The following TLL2 variants were observed in gnomAD, a reference collection of about 807,000 sequenced individuals.
TLL2 encodes the protein tolloid like 2, also known as tolloid-like protein 2.
A neutral mutation model predicts 123.0 loss-of-function variants in TLL2; 106 were observed. That is an observed-to-expected ratio of 0.86 (90% CI 0.74 to 1.01). The LOEUF (loss-of-function observed/expected upper bound fraction) is 1.01. TLL2 is among the 50% of genes least tolerant of loss of function. The pLI, the probability that TLL2 is intolerant of heterozygous loss-of-function variation, is 0.00. For synonymous variants in TLL2, 494 were observed against 516.8 expected, an observed-to-expected ratio of 0.96 and a Z score of 0.60; for missense variants, 1,332 against 1,336.7, an observed-to-expected ratio of 1.00 and a Z score of 0.06.
intron 2 of TLL2, among the ~76,000 whole-genome samples, chr10:96,455,141 C>G (rs915602568): frequency 6.6e-6 from 1 of 152,100 alleles, no homozygotes; most frequent in Non-Finnish European, 1.5e-5. Flanking sequence ...ACTTGGGAGG[C>G]TGGCGTGAAC....
chr10:96,374,073 A>C (rs1426481503), intron 18 of TLL2: 4 of 457,406 alleles, frequency 8.7e-6, no homozygotes. Context: ...ATGAGAGAGC[A>C]GGGGTTCAGA....
chr10:96,506,703 C>T (rs967573805), intron 1 of TLL2, among the ~76,000 whole-genome samples: 1 of 148,374 alleles, frequency 6.7e-6, no homozygotes, highest in Admixed American at 6.7e-5. Context: ...TCATGCCTGT[C>T]CCCACTCCTC....
intron 2 of TLL2, among the ~76,000 whole-genome samples, chr10:96,472,908 A>G (rs760596862): frequency 4.2e-4 from 64 of 152,200 alleles, no homozygotes; most frequent in Non-Finnish European, 7.1e-4. Flanking sequence ...TCTCTTGGGT[A>G]TGCACTGGTG....
At chr10:96,407,957 A>G (rs1301054216) in intron 9 of TLL2, among the ~76,000 whole-genome samples, 2 of 152,258 alleles carry the variant, frequency 1.3e-5, no homozygotes, top group Non-Finnish European at 1.5e-5. Flanking sequence ...CTACTTGCAC[A>G]TTAAAATCAA....
intron 13 of TLL2, among the ~76,000 whole-genome samples, chr10:96,392,309 T>C (rs1011768755): frequency 6.6e-6 from 1 of 152,078 alleles, no homozygotes; most frequent in Non-Finnish European, 1.5e-5. Flanking sequence ...AAGTTTTCCA[T>C]AAAAAAATCA....
At chr10:96,431,826 T>C (rs1368834862) in intron 4 of TLL2, among the ~76,000 whole-genome samples, 3 of 152,106 alleles carry the variant, frequency 2.0e-5, no homozygotes, top group African/African-American at 4.8e-5. Context: ...TCCTGTGATG[T>C]GTCCCTTGAC....
chr10:96,405,274 C>T lies in TLL2; in HGVS notation c.1225G>A (p.Val409Met), dbSNP rs753376490. Residue 409 changes from valine (V) to methionine (M), a missense_variant, in exon 10 of 21, where the codon GTG becomes ATG. Coordinates refer to ENST00000357947, the MANE Select transcript of TLL2 (RefSeq NM_012465.4). ...FKSRLCWYDY[V>M]EVRDGYWRKA... Reference sequence around the variant, plus strand: ...CTCCAGTAACCATCCCGGACCTCCACGTAATCATACCAGCACAGTCGGCTT... The same window carrying T: ...CTCCAGTAACCATCCCGGACCTCCATGTAATCATACCAGCACAGTCGGCTT... The T allele has an allele frequency of 1.0e-4, 169 of 1,614,044 alleles. No homozygotes were observed. The highest frequency in any genetic ancestry group is 1.3e-4 in the East Asian group (6 of 44,896).
Position 96,367,770 on chromosome 10 carries a change from T to G in TLL2, c.*318A>C, listed in dbSNP as rs572497463. 1.6e-5 allele frequency: 4 copies of G among 245,492 alleles called. 1 individual carries two copies. Among genetic ancestry groups the G allele is most frequent in the Non-Finnish European group, 2.4e-5 (3 of 123,274 alleles). 15.2% of individuals were successfully genotyped at this position (245,492 alleles called of 1,614,324 possible). A position where few individuals can be genotyped will look rare whatever the true frequency, so the allele number is the denominator to read the frequency against. On this transcript the variant is annotated 3_prime_UTR_variant, in exon 21 of 21. Coordinates refer to ENST00000357947, the MANE Select transcript of TLL2 (RefSeq NM_012465.4). ...ACCCCAAGGCTGACCTTTTGCCACA[T>G]AGGAGCAAGGGACAAGGAGAATGGT...
At chr10:96,481,629 T>C (rs1847312979) in intron 1 of TLL2, among the ~76,000 whole-genome samples, 1 of 152,200 alleles carries the variant, frequency 6.6e-6, no homozygotes, top group Admixed American at 6.5e-5. Context: ...AGTCAAAGTG[T>C]TGCCTGCCTT....
chr10:96,509,572 C>G (rs1326000454), intron 1 of TLL2, among the ~76,000 whole-genome samples: 2 of 152,234 alleles, frequency 1.3e-5, no homozygotes, highest in African/African-American at 2.4e-5. Flanking sequence ...CTCCCTTAAC[C>G]CTGCTTCCTG....
At chr10:96,442,276 G>T (rs1231769009) in intron 3 of TLL2, among the ~76,000 whole-genome samples, 1 of 152,164 alleles carries the variant, frequency 6.6e-6, no homozygotes, top group Non-Finnish European at 1.5e-5. Context: ...GAAACTGGGC[G>T]CTTCCCTCAG....
At chr10:96,513,111 G>A (rs1173141444) in intron 1 of TLL2, among the ~76,000 whole-genome samples, 3 of 152,250 alleles carry the variant, frequency 2.0e-5, no homozygotes, top group African/African-American at 7.2e-5. Context: ...ATCGGAGCCA[G>A]GAACTCCATC....
intron 3 of TLL2, among the ~76,000 whole-genome samples, chr10:96,436,355 G>A (rs558510810): frequency 3.3e-5 from 5 of 152,298 alleles, no homozygotes; most frequent in Admixed American, 3.3e-4. Context: ...TTTTATAAAT[G>A]TTCCATGTTT....
At chr10:96,420,845 A>T in intron 7 of TLL2, 111 bp downstream of exon 7, 1 of 862,916 alleles carries the variant, frequency 1.2e-6, no homozygotes, top group Non-Finnish European at 1.9e-6. Context: ...CAGACAGGCC[A>T]GCCGTGCTAG....
In TLL2 at chr10:96,405,226, A is replaced by G. The variant is rs773177972; in HGVS notation, c.1267+6T>C. On this transcript the variant is annotated splice_donor_region_variant and intron_variant, in intron 10 of 20. Transcript: ENST00000357947. ...CCTCTCTTAACGGTGTCTAAAGTCA[A>G]CTTACCCAAAAGGGGGGCTTTTCTC... 13 of 1,613,704 alleles carry G rather than the reference A, an allele frequency of 8.1e-6. No individual in the cohort carries two copies. The East Asian group carries it at 1.1e-4, about 14-fold the overall frequency.
chr10:96,423,700 A>G (rs1846648973), intron 5 of TLL2, among the ~76,000 whole-genome samples: 1 of 152,198 alleles, frequency 6.6e-6, no homozygotes, highest in Non-Finnish European at 1.5e-5. Context: ...GGATATGTGC[A>G]TTTGAAATTT....
intron 7 of TLL2, among the ~76,000 whole-genome samples, chr10:96,415,729 GTCTC>G (rs149968045): frequency 1.2e-4 from 1 of 8,568 alleles, no homozygotes; most frequent in Non-Finnish European, 2.2e-4. Flanking sequence ...CTCTCTCTCT[GTCTC>G]TCTCTGTCTC....
intron 7 of TLL2, among the ~76,000 whole-genome samples, chr10:96,417,498 C>T (rs1323419719): frequency 6.6e-6 from 1 of 152,212 alleles, no homozygotes; most frequent in Admixed American, 6.5e-5. Flanking sequence ...TCCATACCTC[C>T]CAGTAAGAGG....
intron 1 of TLL2, among the ~76,000 whole-genome samples, chr10:96,495,865 C>T (rs1163462186): frequency 6.6e-6 from 1 of 152,092 alleles, no homozygotes; most frequent in Non-Finnish European, 1.5e-5. Flanking sequence ...GGCTCAGTTG[C>T]TCAAGCATAC....
Sources: gnomAD v4.1 joint callset for allele counts (sites outside exome capture counted in the v4.1 genomes callset) on GRCh38, gnomAD v4.1.1 for gene constraint, MANE v1.5 for transcripts, NCBI Gene and HGNC (gene_info 2026-07-23, HGNC 2026-07-21) for gene names.